The following ECPAS variants were observed in gnomAD, a reference collection of about 807,000 sequenced individuals.
The protein encoded by ECPAS is Ecm29 proteasome adaptor and scaffold, also known as proteasome adapter and scaffold protein ECM29.
Under a neutral mutation model 255.1 loss-of-function variants are expected in ECPAS, and 70 were observed. The ratio of observed to expected loss-of-function variants is 0.27; its 90% confidence interval spans 0.23 to 0.33. ECPAS has a LOEUF of 0.33. ECPAS is among the 10% of genes least tolerant of loss of function. The pLI, the probability that ECPAS is intolerant of heterozygous loss-of-function variation, is 1.00. For synonymous variants in ECPAS, 784 were observed against 775.0 expected, an observed-to-expected ratio of 1.01 and a Z score of -0.19; for missense variants, 1,817 against 2,206.4, an observed-to-expected ratio of 0.82 and a Z score of 3.54.
In ECPAS at chr9:111,414,418, C is replaced by G. The variant is rs2098199862; in HGVS notation, c.1987+11G>C. ...GCTTCAGTATCTTTCCTTCGCGTCA[C>G]ATATTCCTACCTCCAACACCTGCTA... is the stretch of plus-strand genomic sequence containing the variant. On this transcript the variant is annotated intron_variant, in intron 19 of 49. Transcript: ENST00000684092. 6.2e-7 allele frequency: 1 copy of G among 1,609,696 alleles called. No individual in the cohort carries two copies. Among genetic ancestry groups the G allele is most frequent in the African/African-American group, 1.3e-5 (1 of 74,842 alleles).
At chr9:111,387,980 A>G (rs1342538999) in intron 31 of ECPAS, among the ~76,000 whole-genome samples, 1 of 152,246 alleles carries the variant, frequency 6.6e-6, no homozygotes, top group Non-Finnish European at 1.5e-5. Flanking sequence ...TGCCTGGTTC[A>G]TGACTGTTCA....
intron 35 of ECPAS, among the ~76,000 whole-genome samples, chr9:111,379,063 A>G (rs1251508279): frequency 6.6e-6 from 1 of 152,160 alleles, no homozygotes; most frequent in Non-Finnish European, 1.5e-5. Context: ...TGTATTCTCC[A>G]CCCAGTTCAA....
intron 2 of ECPAS, among the ~76,000 whole-genome samples, chr9:111,458,240 A>G (rs1201744697): frequency 6.6e-6 from 1 of 152,204 alleles, no homozygotes; most frequent in Non-Finnish European, 1.5e-5. Context: ...AAACCTCTCT[A>G]AGGTTATTAA....
chr9:111,383,189 C>T (rs2098142810), intron 35 of ECPAS, 22 bp downstream of exon 35: 2 of 1,611,654 alleles, frequency 1.2e-6, no homozygotes, highest in African/African-American at 2.7e-5. Context: ...CCAATACATT[C>T]ATTTCATCAA....
intron 31 of ECPAS, among the ~76,000 whole-genome samples, chr9:111,388,774 A>G (rs576279010): frequency 1.5e-4 from 23 of 152,296 alleles, no homozygotes; most frequent in African/African-American, 5.5e-4. Context: ...TTGCTACTAG[A>G]TTCAATTGGG....
intron 7 of ECPAS, 22 bp from the exon 8 acceptor site, chr9:111,433,394 G>C (rs781283317): frequency 6.9e-5 from 111 of 1,613,504 alleles, no homozygotes; most frequent in Non-Finnish European, 9.3e-5. Flanking sequence ...TGAAGGGAAG[G>C]AGAAAGAACA....
At chr9:111,477,745 C>CAAA (rs1289367478) in intron 1 of ECPAS, among the ~76,000 whole-genome samples, 1 of 152,070 alleles carries the variant, frequency 6.6e-6, no homozygotes, top group Non-Finnish European at 1.5e-5. Context: ...TTGATACATG[C>CAAA]AAAACAATTA....
chr9:111,424,975 G>A (rs543693822), intron 12 of ECPAS, among the ~76,000 whole-genome samples: 2 of 152,212 alleles, frequency 1.3e-5, no homozygotes, highest in Admixed American at 6.5e-5. Flanking sequence ...TTCAAGACCA[G>A]CCTGGCCTTG....
chr9:111,455,812 G>A (rs1256153596), intron 2 of ECPAS, among the ~76,000 whole-genome samples: 1 of 152,166 alleles, frequency 6.6e-6, no homozygotes, highest in Non-Finnish European at 1.5e-5. Flanking sequence ...TATGTGCTGT[G>A]TGACTCCACC....
chr9:111,363,644 G>T lies in ECPAS; in HGVS notation c.5324C>A (p.Ser1775Ter). The stretch of plus-strand genomic sequence containing the variant: ...AGATAAAGCTTCTGTTCTCACAGAT[G>T]AGTAGGTCTTATTTTCTAAAAAGAA... ...ITYSLENKTY[S>*]SVRTEALSVI... Residue 1775 changes from serine (S) to a stop codon, truncating the protein, a stop_gained, in exon 49 of 50, where the codon TCA becomes TAA. Transcript: ENST00000684092. LOFTEE classifies it high-confidence loss of function. 6.5e-7 allele frequency: 1 copy of T among 1,528,698 alleles called. No homozygotes were observed. The highest frequency in any genetic ancestry group is 1.2e-5 in the South Asian group (1 of 84,206). The allele number at this position is 1,528,698 out of a possible 1,614,324, so 94.7% of individuals were successfully genotyped here. A position where few individuals can be genotyped will look rare whatever the true frequency, so the allele number is the denominator to read the frequency against.
chr9:111,369,804 G>A (rs2098125189), intron 45 of ECPAS, among the ~76,000 whole-genome samples: 1 of 152,006 alleles, frequency 6.6e-6, no homozygotes, highest in African/African-American at 2.4e-5. Context: ...TGAAACTTGA[G>A]TCTTTTTTTG....
chr9:111,382,315 A>G (rs2098141637), intron 35 of ECPAS, among the ~76,000 whole-genome samples: 1 of 129,906 alleles, frequency 7.7e-6, no homozygotes, highest in African/African-American at 3.1e-5. Flanking sequence ...TCCAGGCTGG[A>G]GTGCAATGGC....
At chr9:111,466,359 C>T (rs1427103602) in intron 2 of ECPAS, among the ~76,000 whole-genome samples, 2 of 151,928 alleles carry the variant, frequency 1.3e-5, no homozygotes, top group Non-Finnish European at 2.9e-5. Flanking sequence ...GCAGGAGAAT[C>T]GCTTGAACCC....
chr9:111,368,153 A>C (rs1021099044), intron 46 of ECPAS, among the ~76,000 whole-genome samples: 4 of 152,186 alleles, frequency 2.6e-5, no homozygotes, highest in Non-Finnish European at 5.9e-5. Flanking sequence ...TTTGGCTAAG[A>C]TCAAGTGTAA....
chr9:111,377,002 A>C (rs935386860), intron 36 of ECPAS, among the ~76,000 whole-genome samples: 1 of 152,226 alleles, frequency 6.6e-6, no homozygotes, highest in Non-Finnish European at 1.5e-5. Flanking sequence ...CACTATCCAG[A>C]TATGATAAGG....
intron 11 of ECPAS, 25 bp downstream of exon 11, chr9:111,425,718 A>C: frequency 7.5e-7 from 1 of 1,335,602 alleles, no homozygotes; most frequent in Non-Finnish European, 1.1e-6. Flanking sequence ...TGAAAACTTT[A>C]TAGTTAAAAT....
intron 10 of ECPAS, 47 bp downstream of exon 10, chr9:111,427,989 AATAGAC>A (rs1483837195): frequency 6.4e-7 from 1 of 1,550,668 alleles, no homozygotes; most frequent in Non-Finnish European, 8.8e-7. Flanking sequence ...TCTCTAATTA[AATAGAC>A]ATAAAAGTTG....
intron 45 of ECPAS, 124 bp from the exon 46 acceptor site, chr9:111,369,297 T>C (rs1038426174): frequency 1.6e-6 from 1 of 640,328 alleles, no homozygotes; most frequent in Non-Finnish European, 2.3e-6. Context: ...TGATAAATTC[T>C]CTACCATAAG....
In ECPAS at chr9:111,408,147, G is replaced by A. The variant is rs566388612; in HGVS notation, c.2652+424C>T. 2.0e-5 allele frequency among the ~76,000 whole-genome samples: 3 copies of A among 152,322 alleles called. No individual in the cohort carries two copies. The South Asian group carries it at 6.2e-4, about 32-fold the overall frequency. On this transcript the variant is annotated intron_variant, in intron 24 of 49. Transcript: ENST00000684092. The stretch of plus-strand genomic sequence containing the variant: ...AGGCCATGCTGAGATACTTAGTACA[G>A]TATCTTGGCATTTGCCTACTTGTAG...
Sources: gnomAD v4.1 joint callset for allele counts (sites outside exome capture counted in the v4.1 genomes callset) on GRCh38, gnomAD v4.1.1 for gene constraint, MANE v1.5 for transcripts, NCBI Gene and HGNC (gene_info 2026-07-23, HGNC 2026-07-21) for gene names.